The following SMARCAL1 variants were observed in gnomAD, a reference collection of about 807,000 sequenced individuals.
The protein encoded by SMARCAL1 is SNF2 related chromatin remodeling annealing helicase 1, also known as ATP-driven annealing helicase.
Under a neutral mutation model 94.5 loss-of-function variants are expected in SMARCAL1, and 58 were observed. That is an observed-to-expected ratio of 0.61 (90% CI 0.50 to 0.76). The LOEUF (loss-of-function observed/expected upper bound fraction) is 0.76, where lower values mean the gene tolerates loss of function less well. Among genes scored for constraint, SMARCAL1 ranks in the 30% least tolerant of loss-of-function variants. SMARCAL1 has a pLI of 0.00. For synonymous variants in SMARCAL1, 422 were observed against 455.1 expected, an observed-to-expected ratio of 0.93 and a Z score of 0.93; for missense variants, 1,051 against 1,177.9, an observed-to-expected ratio of 0.89 and a Z score of 1.58.
At chr2:216,465,696 T>G (rs960356656) in intron 13 of SMARCAL1, among the ~76,000 whole-genome samples, 2 of 152,208 alleles carry the variant, frequency 1.3e-5, no homozygotes, top group African/African-American at 4.8e-5. Flanking sequence ...CTGATTTTTT[T>G]TTTTGTTTAA....
intron 5 of SMARCAL1, among the ~76,000 whole-genome samples, chr2:216,422,842 A>G (rs1393442812): frequency 6.6e-6 from 1 of 152,206 alleles, no homozygotes; most frequent in Non-Finnish European, 1.5e-5. Flanking sequence ...CTATTTAAAG[A>G]ATCAGCCACC....
At chr2:216,455,702 G>A (rs551855757) in intron 12 of SMARCAL1, among the ~76,000 whole-genome samples, 2 of 152,268 alleles carry the variant, frequency 1.3e-5, no homozygotes, top group African/African-American at 2.4e-5. Flanking sequence ...CCATCTGTAC[G>A]TCACCATCAT....
chr2:216,415,690 C>T (rs962900370), intron 3 of SMARCAL1, among the ~76,000 whole-genome samples, 175 bp downstream of exon 3: 3 of 152,226 alleles, frequency 2.0e-5, no homozygotes, highest in Non-Finnish European at 2.9e-5. Flanking sequence ...TTCCCTTAAA[C>T]AGCTGCCAAA....
At chr2:216,415,876 A>G (rs1693589824) in intron 3 of SMARCAL1, 1 of 400,950 alleles carries the variant, frequency 2.5e-6, no homozygotes, top group African/African-American at 2.0e-5. Context: ...AGATTAAGTG[A>G]CAGGCCCAGT....
chr2:216,436,719 T>A (rs1694089793), intron 9 of SMARCAL1, among the ~76,000 whole-genome samples: 1 of 152,226 alleles, frequency 6.6e-6, no homozygotes, highest in Non-Finnish European at 1.5e-5. Flanking sequence ...CTCTACAGTG[T>A]GTGGGAAGAA....
At position 216,438,504 on chromosome 2, in the gene SMARCAL1, T is replaced by C. The variant is rs1322428812; in HGVS notation, c.1710+19T>C. ...CCTAAAGGTGAGTACTTCTGAGAAC[T>C]GAGCCCACTGAGCATTGGCATCCCA... On this transcript the variant is annotated intron_variant, in intron 10 of 17. Coordinates refer to ENST00000357276, the MANE Select transcript of SMARCAL1 (RefSeq NM_014140.4). 2 of 1,605,664 alleles carry C rather than the reference T, an allele frequency of 1.2e-6. No homozygotes were observed. The highest frequency in any genetic ancestry group is 1.7e-6 in the Non-Finnish European group (2 of 1,172,724).
At chr2:216,419,765 G>C (rs1693673731) in intron 4 of SMARCAL1, among the ~76,000 whole-genome samples, 2 of 152,076 alleles carry the variant, frequency 1.3e-5, no homozygotes, top group South Asian at 4.1e-4. Context: ...TATGGTGCCT[G>C]ATGCCTGTAA....
chr2:216,451,174 C>A (rs1559131922), intron 12 of SMARCAL1, 110 bp downstream of exon 12: 4 of 885,176 alleles, frequency 4.5e-6, no homozygotes, highest in Admixed American at 2.0e-5. Context: ...TTTCTGTAAC[C>A]TTTTCCCTCT....
At chr2:216,422,003 G>T (rs1398978591) in intron 5 of SMARCAL1, among the ~76,000 whole-genome samples, 1 of 152,136 alleles carries the variant, frequency 6.6e-6, no homozygotes, top group South Asian at 2.1e-4. Flanking sequence ...GCCCAGGCAG[G>T]TCGTGAGATG....
At chr2:216,462,854 G>T (rs1300898440) in intron 12 of SMARCAL1, among the ~76,000 whole-genome samples, 2 of 151,840 alleles carry the variant, frequency 1.3e-5, no homozygotes, top group African/African-American at 2.4e-5. Flanking sequence ...AGCTGGTGTG[G>T]TGGTGCATAC....
In SMARCAL1 at chr2:216,438,350, C is replaced by T. The variant is rs1196485542; in HGVS notation, c.1645-70C>T. 4 of 1,352,328 alleles carry T rather than the reference C, an allele frequency of 3.0e-6. No homozygotes were observed. The African/African-American group carries it at 5.7e-5, about 19-fold the overall frequency. 83.8% of individuals were successfully genotyped at this position (1,352,328 alleles called of 1,614,324 possible). A position where few individuals can be genotyped will look rare whatever the true frequency, so the allele number is the denominator to read the frequency against. On this transcript the variant is annotated intron_variant, in intron 9 of 17. Coordinates refer to ENST00000357276, the MANE Select transcript of SMARCAL1 (RefSeq NM_014140.4). ...TTGCACTTGCCATGCCAGGGTCAAG[C>T]CTAAAGTGACCCATATTTCTGTCCA...
At chr2:216,433,022 G>C (rs1694001303) in intron 8 of SMARCAL1, among the ~76,000 whole-genome samples, 154 bp downstream of exon 8, 1 of 152,070 alleles carries the variant, frequency 6.6e-6, no homozygotes, top group African/African-American at 2.4e-5. Flanking sequence ...CCACCTGAGG[G>C]CAGGCTGGGG....
chr2:216,441,076 A>G (rs1694188172), intron 10 of SMARCAL1, among the ~76,000 whole-genome samples: 1 of 152,174 alleles, frequency 6.6e-6, no homozygotes, highest in African/African-American at 2.4e-5. Context: ...ATTTAATACC[A>G]CTTGATTGTT....
chr2:216,427,449 T>G (rs1363339013), intron 6 of SMARCAL1: 1 of 152,240 alleles, frequency 6.6e-6, no homozygotes, highest in Non-Finnish European at 1.5e-5. Context: ...TCATCAGGTA[T>G]TTGAGTTCTG....
At chr2:216,441,408 G>C (rs967390764) in intron 10 of SMARCAL1, among the ~76,000 whole-genome samples, 1 of 152,144 alleles carries the variant, frequency 6.6e-6, no homozygotes, top group Non-Finnish European at 1.5e-5. Flanking sequence ...AAGTAGACCA[G>C]ATAGAAGCTA....
chr2:216,416,210 C>G (rs1051502123), intron 3 of SMARCAL1, 47 bp from the exon 4 acceptor site: 1 of 1,541,014 alleles, frequency 6.5e-7, no homozygotes, highest in South Asian at 1.1e-5. Flanking sequence ...GTGTTGAGTG[C>G]CTAAGTACAA....
In SMARCAL1 at chr2:216,415,578, C is replaced by CT. The variant is rs1395484626; in HGVS notation, c.811+64dup. The CT allele has an allele frequency of 1.2e-5, 16 of 1,362,614 alleles. No individual in the cohort carries two copies. In the East Asian group the frequency reaches 3.4e-4, roughly 29 times the overall value. 84.4% of individuals were successfully genotyped at this position (1,362,614 alleles called of 1,614,324 possible). A position where few individuals can be genotyped will look rare whatever the true frequency, so the allele number is the denominator to read the frequency against. The stretch of plus-strand genomic sequence containing the variant: ...TCTTATTTTTGGAGTCTCTTTTAAT[C>CT]TAACAGTTTCTCATAAATATTAAGA... On this transcript the variant is annotated intron_variant, in intron 3 of 17. Transcript: ENST00000357276.
chr2:216,479,328 T>C (rs1695151497), intron 17 of SMARCAL1: 1 of 151,778 alleles, frequency 6.6e-6, no homozygotes, highest in Non-Finnish European at 1.5e-5. Flanking sequence ...TCCCAGCTAC[T>C]CCAGAGGAAA....
chr2:216,420,338 C>T lies in SMARCAL1; in HGVS notation c.902C>T (p.Pro301Leu). The change falls in exon 5 of 18, where the codon CCT becomes CTT. Residue 301 changes from proline to leucine, a missense_variant. By Grantham distance (98) the Pro-to-Leu change is moderately conservative. Coordinates refer to ENST00000357276, the MANE Select transcript of SMARCAL1 (RefSeq NM_014140.4). Reference sequence around the variant, plus strand: ...AGCCTCCCCACGGTCAACCTGCAGCCTCTGGAATGGGCCTATGGCAGCAGC... The same window carrying T: ...AGCCTCCCCACGGTCAACCTGCAGCTTCTGGAATGGGCCTATGGCAGCAGC... ...AQSLPTVNLQ[P>L]LEWAYGSSES... The T allele has an allele frequency of 6.2e-7, 1 of 1,614,168 alleles. No individual in the cohort carries two copies. The highest frequency in any genetic ancestry group is 8.5e-7 in the Non-Finnish European group (1 of 1,180,034).
Sources: allele counts gnomAD v4.1 joint callset (sites outside exome capture counted in the v4.1 genomes callset), GRCh38; gene constraint gnomAD v4.1.1; transcripts MANE v1.5; gene names NCBI Gene and HGNC (gene_info 2026-07-23, HGNC 2026-07-21).